CAMK2A: variants seen among roughly 807,000 people sequenced by gnomAD.
The protein encoded by CAMK2A is calcium/calmodulin dependent protein kinase II alpha.
A neutral mutation model predicts 79.2 loss-of-function variants in CAMK2A; 7 were observed. That is an observed-to-expected ratio of 0.09 (90% CI 0.05 to 0.17). The LOEUF (loss-of-function observed/expected upper bound fraction) is 0.17. Among genes scored for constraint, CAMK2A ranks in the 10% least tolerant of loss-of-function variants. The pLI is 1.00. For synonymous variants in CAMK2A, 242 were observed against 251.7 expected (o/e 0.96, Z 0.36); for missense variants, 214 against 646.4 (o/e 0.33, Z 7.25).
At chr5:150,238,499 C>T in intron 15 of CAMK2A, 1 of 683,140 alleles carries the variant, frequency 1.5e-6, no homozygotes, top group Non-Finnish European at 2.7e-6. Flanking sequence ...TATCTACACA[C>T]CAGCAGTAGT....
At position 150,266,319 on chromosome 5, in the gene CAMK2A, A is replaced by G. The variant is rs369389000; in HGVS notation, c.158-1304T>C. Reference sequence around the variant, plus strand: ...CTGGGACCACCACTCTCCCCATTTTATAGATAAGGAAACTGCAGCCTGAAC... The same window carrying G: ...CTGGGACCACCACTCTCCCCATTTTGTAGATAAGGAAACTGCAGCCTGAAC... On this transcript the variant is annotated intron_variant, in intron 2 of 18. Transcript: ENST00000671881. Among the ~76,000 whole-genome samples, 10 of 152,252 alleles carry G rather than the reference A, an allele frequency of 6.6e-5. No individual in the cohort carries two copies. The East Asian group carries it at 1.9e-3, about 29-fold the overall frequency.
rs763747605 is a variant in CAMK2A at position 150,223,255 on chromosome 5, C to T, written c.1238-38G>A. 7 of 1,526,326 alleles carry T rather than the reference C, an allele frequency of 4.6e-6. No homozygotes were observed. Among genetic ancestry groups the T allele is most frequent in the African/African-American group, 2.7e-5 (2 of 73,350 alleles). 94.5% of individuals were successfully genotyped at this position (1,526,326 alleles called of 1,614,324 possible). A position where few individuals can be genotyped will look rare whatever the true frequency, so the allele number is the denominator to read the frequency against. On this transcript the variant is annotated intron_variant, in intron 17 of 18. Transcript: ENST00000671881. The surrounding 1 kb of genome is among the most constrained non-coding windows in gnomAD (Gnocchi z 4.1). ...ATGGGAGGGGCAGAGGAGATGCAAC[C>T]GGGGGCCTCCTGTCTCACTTTCTTC...
At chr5:150,281,147 ATGGCAG>A (rs1447532690) in intron 1 of CAMK2A, among the ~76,000 whole-genome samples, 3 of 152,206 alleles carry the variant, frequency 2.0e-5, no homozygotes, top group Non-Finnish European at 2.9e-5. Flanking sequence ...TAGATGCTAC[ATGGCAG>A]TTACCTCATA....
rs1478565082 is a variant in CAMK2A, at chr5:150,223,345, G to T, written c.1238-128C>A. Reference sequence around the variant, plus strand: ...CTGCCTGACTCATTTGCAGGGAAGGGGCCTGTGTGGCAGGACTCAGCTACC... The same window carrying T: ...CTGCCTGACTCATTTGCAGGGAAGGTGCCTGTGTGGCAGGACTCAGCTACC... On this transcript the variant is annotated intron_variant, in intron 17 of 18. Coordinates refer to ENST00000671881, the MANE Select transcript of CAMK2A (RefSeq NM_015981.4). The surrounding 1 kb of genome is among the most constrained non-coding windows in gnomAD (Gnocchi z 4.1). The T allele has an allele frequency of 1.1e-5, 8 of 708,556 alleles. No homozygotes were observed. The Admixed American group carries it at 1.9e-4, about 17-fold the overall frequency. 43.9% of individuals were successfully genotyped at this position (708,556 alleles called of 1,614,324 possible).
At position 150,273,238 on chromosome 5, in the gene CAMK2A, C is replaced by G. The variant is rs1756824617; in HGVS notation, c.63-79G>C. On this transcript the variant is annotated intron_variant, in intron 1 of 18. Coordinates refer to ENST00000671881, the MANE Select transcript of CAMK2A (RefSeq NM_015981.4). ...CTAGGAGATGTTGGAGTTCACATCA[C>G]TGCCCCACGCTAGACAGAAGCCCTT... The G allele has an allele frequency of 8.6e-6, 9 of 1,042,812 alleles. No individual in the cohort carries two copies. In the South Asian group the frequency reaches 1.2e-4, roughly 14 times the overall value. 64.6% of individuals were successfully genotyped at this position (1,042,812 alleles called of 1,614,324 possible).
chr5:150,230,240 C>T (rs552698788), intron 16 of CAMK2A, among the ~76,000 whole-genome samples: 1 of 150,440 alleles, frequency 6.6e-6, no homozygotes, highest in East Asian at 2.0e-4. Context: ...ATCACTTGAA[C>T]CCGGGAGACG....
chr5:150,229,833 C>T (rs1754763762), intron 16 of CAMK2A, among the ~76,000 whole-genome samples: 1 of 152,214 alleles, frequency 6.6e-6, no homozygotes, highest in African/African-American at 2.4e-5. Flanking sequence ...TGCACACGCA[C>T]CTGCGCACCC....
At chr5:150,257,155 A>G (rs1413618571) in intron 4 of CAMK2A, among the ~76,000 whole-genome samples, 2 of 152,138 alleles carry the variant, frequency 1.3e-5, no homozygotes, top group African/African-American at 2.4e-5. Flanking sequence ...CATGATCAAT[A>G]TCTCAAAGGC....
Position 150,222,346 on chromosome 5 carries a change from T to G in CAMK2A, c.*364A>C. On this transcript the variant is annotated 3_prime_UTR_variant, in exon 19 of 19. Coordinates refer to ENST00000671881, the MANE Select transcript of CAMK2A (RefSeq NM_015981.4). ...GCCTTCCTCATCATGCCACCCCTCCTTCTCCCCAGCCCCTGGTGGGCACCA... is the reference window on the plus strand; with the variant it reads ...GCCTTCCTCATCATGCCACCCCTCCGTCTCCCCAGCCCCTGGTGGGCACCA... 1 of 605,860 alleles carries G rather than the reference T, an allele frequency of 1.7e-6. No homozygotes were observed. The highest frequency in any genetic ancestry group is 2.9e-6 in the Non-Finnish European group (1 of 341,176). 37.5% of individuals were successfully genotyped at this position (605,860 alleles called of 1,614,324 possible). A position where few individuals can be genotyped will look rare whatever the true frequency, so the allele number is the denominator to read the frequency against.
chr5:150,224,119 G>C (rs1344851039), intron 17 of CAMK2A, among the ~76,000 whole-genome samples: 1 of 152,160 alleles, frequency 6.6e-6, no homozygotes, highest in Non-Finnish European at 1.5e-5. Context: ...CAAAGTCCCT[G>C]ACACCAGCTT....
intron 1 of CAMK2A, among the ~76,000 whole-genome samples, chr5:150,280,783 C>T (rs949441819): frequency 7.2e-5 from 11 of 152,170 alleles, no homozygotes; most frequent in Non-Finnish European, 1.5e-4. Context: ...TCCCAGCCTT[C>T]TCCATCACTG....
intron 2 of CAMK2A, among the ~76,000 whole-genome samples, chr5:150,269,219 T>A (rs1756636250): frequency 6.6e-6 from 1 of 152,108 alleles, no homozygotes; most frequent in Admixed American, 6.5e-5. Context: ...CTTGGGAACC[T>A]TTTTGCTTCC....
intron 9 of CAMK2A, among the ~76,000 whole-genome samples, chr5:150,251,031 C>T (rs1476478117): frequency 6.6e-6 from 1 of 152,242 alleles, no homozygotes; most frequent in Non-Finnish European, 1.5e-5. Flanking sequence ...AACCATCTTT[C>T]TGAGACTGTG....
chr5:150,261,730 C>T lies in CAMK2A; in HGVS notation c.217+3226G>A, dbSNP rs565780945. 2.4e-4 allele frequency among the ~76,000 whole-genome samples: 37 copies of T among 152,254 alleles called. No homozygotes were observed. The South Asian group carries it at 7.5e-3, about 31-fold the overall frequency. On this transcript the variant is annotated intron_variant, in intron 3 of 18. Transcript: ENST00000671881. ...AACAAGGGCTCTGGAGTCAGACTTGCGGAGTTCGTCTCCCAGATCCACCTC... is the reference window on the plus strand; with the variant it reads ...AACAAGGGCTCTGGAGTCAGACTTGTGGAGTTCGTCTCCCAGATCCACCTC...
chr5:150,245,182 G>C lies in CAMK2A; in HGVS notation c.963C>G (p.Asn321Lys), dbSNP rs55696902. 6.2e-7 allele frequency: 1 copy of C among 1,613,964 alleles called. No homozygotes were observed. The highest frequency in any genetic ancestry group is 1.7e-5 in the Admixed American group (1 of 60,000). Residue 321 changes from asparagine (N) to lysine (K), a missense_variant, in exon 13 of 19, where the codon AAC becomes AAG. Physicochemically the swap from Asn to Lys is moderately conservative, Grantham distance 94 (BLOSUM62 0). Transcript: ENST00000671881. Reference sequence around the variant, plus strand: ...TTACCTTCACACCATCGCTCTTCTTGTTTCCCCCACTCTTCCCTCCTGTGG... The same window carrying C: ...TTACCTTCACACCATCGCTCTTCTTCTTTCCCCCACTCTTCCCTCCTGTGG... ...RNFSGGKSGG[N>K]KKSDGVKKRK...
intron 17 of CAMK2A, among the ~76,000 whole-genome samples, chr5:150,224,009 T>C (rs1259637566): frequency 2.0e-5 from 3 of 152,174 alleles, no homozygotes; most frequent in Non-Finnish European, 2.9e-5. Flanking sequence ...TCTTAGAACC[T>C]TGAAATGATA....
At chr5:150,240,161 G>C (rs901901720) in intron 13 of CAMK2A, among the ~76,000 whole-genome samples, 2 of 152,176 alleles carry the variant, frequency 1.3e-5, no homozygotes, top group African/African-American at 2.4e-5. Flanking sequence ...CTTCTCCTAG[G>C]CTCCCCGTGC....
chr5:150,233,305 T>A (rs1754922588), intron 15 of CAMK2A, among the ~76,000 whole-genome samples: 1 of 152,124 alleles, frequency 6.6e-6, no homozygotes, highest in Admixed American at 6.5e-5. Flanking sequence ...GGGACCCTAA[T>A]CAGAGTTTGC....
At chr5:150,248,462 T>G (rs916194761) in intron 11 of CAMK2A, among the ~76,000 whole-genome samples, 1 of 150,652 alleles carries the variant, frequency 6.6e-6, no homozygotes. Context: ...ATTAGGTATA[T>G]CTCCTAATGC....
Sources: gnomAD v4.1 joint callset for allele counts (sites outside exome capture counted in the v4.1 genomes callset) on GRCh38, gnomAD v4.1.1 for gene constraint, Gnocchi (gnomAD v3.1) non-coding constraint, MANE v1.5 for transcripts, NCBI Gene and HGNC (gene_info 2026-07-23, HGNC 2026-07-21) for gene names.